MARCHF1: variants seen among roughly 807,000 people sequenced by gnomAD.
The protein encoded by MARCHF1 is membrane associated ring-CH-type finger 1.
A neutral mutation model predicts 54.2 loss-of-function variants in MARCHF1; 40 were observed. The observed-to-expected ratio is 0.74, with a 90% confidence interval of 0.57 to 0.96. MARCHF1 has a LOEUF of 0.96. Ranked by LOEUF, MARCHF1 falls within the 40% of genes least tolerant of loss-of-function variation. MARCHF1 has a pLI of 0.00. For synonymous variants in MARCHF1, 236 were observed against 236.3 expected, an observed-to-expected ratio of 1.00 and a Z score of 0.01; for missense variants, 586 against 656.5, an observed-to-expected ratio of 0.89 and a Z score of 1.17.
intron 4 of MARCHF1, among the ~76,000 whole-genome samples, chr4:163,838,371 G>C (rs1214438494): frequency 6.6e-6 from 1 of 151,930 alleles, no homozygotes; most frequent in Admixed American, 6.6e-5. Context: ...GTAATGGCAA[G>C]AAAAAAGGAG....
At chr4:163,790,636 G>C (rs1278577199) in intron 4 of MARCHF1, among the ~76,000 whole-genome samples, 1 of 152,080 alleles carries the variant, frequency 6.6e-6, no homozygotes, top group Non-Finnish European at 1.5e-5. Flanking sequence ...AAAGCATCTT[G>C]ACTTTGTATC....
chr4:164,226,182 CCA>C (rs1732248597), intron 1 of MARCHF1, among the ~76,000 whole-genome samples: 1 of 151,820 alleles, frequency 6.6e-6, no homozygotes, highest in Non-Finnish European at 1.5e-5. Flanking sequence ...CCCCACTAAC[CCA>C]TTTACACAAA....
At chr4:164,073,586 G>A (rs1754914039) in intron 2 of MARCHF1, among the ~76,000 whole-genome samples, 1 of 151,832 alleles carries the variant, frequency 6.6e-6, no homozygotes, top group Non-Finnish European at 1.5e-5. Context: ...CATGGCACAT[G>A]CATACCTATA....
At chr4:163,829,066 T>C (rs1299998512) in intron 4 of MARCHF1, 1 of 152,140 alleles carries the variant, frequency 6.6e-6, no homozygotes, top group Non-Finnish European at 1.5e-5. Context: ...ACCAACCCTG[T>C]CAAGTCAGGG....
intron 4 of MARCHF1, among the ~76,000 whole-genome samples, chr4:163,799,748 G>C (rs1287097874): frequency 6.6e-6 from 1 of 151,950 alleles, no homozygotes; most frequent in African/African-American, 2.4e-5. Flanking sequence ...CAGTTGAATG[G>C]TCCAGACTGC....
chr4:163,825,189 C>T (rs918011631), intron 4 of MARCHF1, among the ~76,000 whole-genome samples: 4 of 151,958 alleles, frequency 2.6e-5, no homozygotes, highest in Non-Finnish European at 5.9e-5. Context: ...TGAGAACATG[C>T]TGCGTTTGGT....
chr4:163,744,381 T>C (rs1746296838), intron 4 of MARCHF1, among the ~76,000 whole-genome samples: 1 of 152,224 alleles, frequency 6.6e-6, no homozygotes, highest in Non-Finnish European at 1.5e-5. Flanking sequence ...CAGATTGCAA[T>C]GGACCTCTTA....
intron 3 of MARCHF1, among the ~76,000 whole-genome samples, chr4:163,966,983 C>A (rs1752454901): frequency 1.3e-5 from 2 of 152,026 alleles, no homozygotes; most frequent in Admixed American, 6.6e-5. Context: ...TTTTAAAAAA[C>A]CAAACACCAA....
intron 3 of MARCHF1, among the ~76,000 whole-genome samples, chr4:163,879,218 C>T (rs1280515039): frequency 3.3e-5 from 5 of 152,060 alleles, no homozygotes; most frequent in African/African-American, 4.8e-5. Flanking sequence ...GGGAAGCATG[C>T]AGTGTCCTGG....
chr4:163,967,031 G>A lies in MARCHF1; in HGVS notation c.-39+21470C>T, dbSNP rs534246096. Among the ~76,000 whole-genome samples the A allele has an allele frequency of 1.1e-3, 171 of 152,186 alleles. 3 individuals carry two copies. Among genetic ancestry groups the A allele is most frequent in the Non-Finnish European group, 9.7e-4 (66 of 67,986 alleles). ...TCACATTCCGGGGGAGGGAAAATAT[G>A]CCAGTATAGTTGTATATTCAGGCAG... is the stretch of plus-strand genomic sequence containing the variant. On this transcript the variant is annotated intron_variant, in intron 3 of 9. Coordinates refer to ENST00000514618, the MANE Select transcript of MARCHF1 (RefSeq NM_001394959.1).
intron 3 of MARCHF1, among the ~76,000 whole-genome samples, chr4:163,860,288 G>T (rs963763786): frequency 6.6e-6 from 1 of 152,076 alleles, no homozygotes; most frequent in Non-Finnish European, 1.5e-5. Flanking sequence ...ACTTCCAGGG[G>T]CTGCATTATT....
At position 164,267,096 on chromosome 4, in the gene MARCHF1, G is replaced by C. The variant is rs568692112; in HGVS notation, c.-323+116774C>G. Among the ~76,000 whole-genome samples the C allele has an allele frequency of 2.0e-5, 3 of 152,096 alleles. No individual in the cohort carries two copies. The South Asian group carries it at 6.2e-4, about 32-fold the overall frequency. ...ACATAGACATTTGTATGTGATAAGAGAGCCAGAGTACAATTTAGGAGAAGA... is the reference window on the plus strand; with the variant it reads ...ACATAGACATTTGTATGTGATAAGACAGCCAGAGTACAATTTAGGAGAAGA... On this transcript the variant is annotated intron_variant, in intron 1 of 9. Transcript: ENST00000514618.
intron 1 of MARCHF1, among the ~76,000 whole-genome samples, chr4:164,166,858 C>A (rs1392147087): frequency 6.7e-6 from 1 of 150,000 alleles, no homozygotes; most frequent in Admixed American, 6.7e-5. Flanking sequence ...AATGATCCAA[C>A]TGATAAAGAA....
At chr4:164,343,017 A>G (rs1729973671) in intron 1 of MARCHF1, among the ~76,000 whole-genome samples, 1 of 152,176 alleles carries the variant, frequency 6.6e-6, no homozygotes, top group East Asian at 1.9e-4. Flanking sequence ...ATCAAAGTAT[A>G]TAAATTTTCA....
intron 7 of MARCHF1, among the ~76,000 whole-genome samples, chr4:163,602,409 G>T (rs1386477102): frequency 1.3e-5 from 2 of 151,962 alleles, no homozygotes; most frequent in Admixed American, 1.3e-4. Context: ...CTCATTTTAT[G>T]ATCCTATAAA....
chr4:163,585,743 C>T lies in MARCHF1; in HGVS notation c.1191+6G>A. On this transcript the variant is annotated splice_donor_region_variant and intron_variant, in intron 8 of 9. Coordinates refer to ENST00000514618, the MANE Select transcript of MARCHF1 (RefSeq NM_001394959.1). ...CCTCCCAAACCAATTCCTATGGATA[C>T]TGTACCTTCCGGAGGGGTTTGAGCT... The T allele has an allele frequency of 6.3e-7, 1 of 1,578,424 alleles. No individual in the cohort carries two copies. Among genetic ancestry groups the T allele is most frequent in the Non-Finnish European group, 8.6e-7 (1 of 1,160,646 alleles).
intron 4 of MARCHF1, among the ~76,000 whole-genome samples, chr4:163,830,329 A>G (rs1748982825): frequency 6.6e-6 from 1 of 151,122 alleles, no homozygotes; most frequent in Non-Finnish European, 1.5e-5. Flanking sequence ...TTATAAATAT[A>G]TATTAAAGAT....
intron 5 of MARCHF1, among the ~76,000 whole-genome samples, chr4:163,654,362 T>C (rs7658880): frequency 0.075 from 11,310 of 151,706 alleles, 905 homozygotes; most frequent in African/African-American, 0.2. Context: ...TTGTGTGATG[T>C]TTTAAAGTTC....
intron 1 of MARCHF1, among the ~76,000 whole-genome samples, chr4:164,252,973 G>A (rs528379511): frequency 6.6e-6 from 1 of 152,146 alleles, no homozygotes; most frequent in Admixed American, 6.5e-5. Flanking sequence ...CCGAAGCCAG[G>A]AGTGGGTGAA....
Sources: gnomAD v4.1 joint callset for allele counts (sites outside exome capture counted in the v4.1 genomes callset) on GRCh38, gnomAD v4.1.1 for gene constraint, MANE v1.5 for transcripts, NCBI Gene and HGNC (gene_info 2026-07-23, HGNC 2026-07-21) for gene names.